Variants in ZNF385D observed in about 807,000 individuals in gnomAD.
ZNF385D encodes zinc finger protein 385D, also known as zinc finger protein 659.
ZNF385D carries 15 observed loss-of-function variants against 35.8 expected under a neutral mutation model. That is an observed-to-expected ratio of 0.42 (90% CI 0.28 to 0.64). ZNF385D has a LOEUF of 0.64. Ranked by LOEUF, ZNF385D falls within the 30% of genes least tolerant of loss-of-function variation. ZNF385D has a pLI of 0.23. For missense variants in ZNF385D, 474 were observed against 494.6 expected, an observed-to-expected ratio of 0.96 and a Z score of 0.39; for synonymous variants, 212 against 186.8, an observed-to-expected ratio of 1.13 and a Z score of -1.10.
intron 3 of ZNF385D, among the ~76,000 whole-genome samples, chr3:21,521,371 C>T (rs1361950236): frequency 6.6e-6 from 1 of 152,188 alleles, no homozygotes; most frequent in Admixed American, 6.5e-5. Context: ...ACTTATTGAA[C>T]AGTTACTGCA....
At chr3:22,170,235 G>C (rs755193086) in intron 2 of ZNF385D, among the ~76,000 whole-genome samples, 31 of 152,144 alleles carry the variant, frequency 2.0e-4, no homozygotes, top group Non-Finnish European at 3.7e-4. Context: ...CGTCCTCCTA[G>C]GTTCTGGAGT....
intron 3 of ZNF385D, among the ~76,000 whole-genome samples, chr3:21,779,994 G>A (rs1167740312): frequency 6.6e-6 from 1 of 151,834 alleles, no homozygotes; most frequent in African/African-American, 2.4e-5. Context: ...CTTGCTCACT[G>A]CAAAGAATAA....
At chr3:21,490,398 G>C (rs61228100) in intron 4 of ZNF385D, among the ~76,000 whole-genome samples, 1 of 152,104 alleles carries the variant, frequency 6.6e-6, no homozygotes, top group African/African-American at 2.4e-5. Flanking sequence ...CATGATGCTA[G>C]GTTTAATTCC....
At chr3:21,856,433 G>C (rs376187911) in intron 3 of ZNF385D, among the ~76,000 whole-genome samples, 1 of 151,926 alleles carries the variant, frequency 6.6e-6, no homozygotes, top group Non-Finnish European at 1.5e-5. Context: ...ACTGCCTCTA[G>C]GGCGTCTCCA....
At chr3:21,917,390 C>A (rs186721031) in intron 3 of ZNF385D, among the ~76,000 whole-genome samples, 1 of 152,082 alleles carries the variant, frequency 6.6e-6, no homozygotes, top group East Asian at 1.9e-4. Flanking sequence ...TGAGATCGGG[C>A]CATTGCACTC....
At chr3:22,221,894 A>G (rs1490600840) in intron 2 of ZNF385D, among the ~76,000 whole-genome samples, 2 of 152,168 alleles carry the variant, frequency 1.3e-5, no homozygotes, top group African/African-American at 4.8e-5. Flanking sequence ...GCAGATGTGA[A>G]TGCCTTCAGT....
Position 22,166,553 on chromosome 3 carries a change from A to C in ZNF385D, c.325+2264T>G, listed in dbSNP as rs1196523445. ...TGTTATCCTCAATGTCCACATCTAT[A>C]AAAGGAATATAACAAGATCACTTTG... On this transcript the variant is annotated intron_variant, in intron 3 of 5. Coordinates refer to the ZNF385D transcript ENST00000494108. Among the ~76,000 whole-genome samples the C allele has an allele frequency of 1.3e-5, 2 of 152,206 alleles. 1 individual carries two copies. Among genetic ancestry groups the C allele is most frequent in the East Asian group, 3.9e-4 (2 of 5,192 alleles).
intron 3 of ZNF385D, among the ~76,000 whole-genome samples, chr3:22,120,667 T>C (rs1358363): frequency 0.2 from 31,067 of 152,098 alleles, 3,487 homozygotes; most frequent in East Asian, 0.41. Flanking sequence ...TGTCTGAACG[T>C]ATTCACCTAA....
intron 3 of ZNF385D, among the ~76,000 whole-genome samples, chr3:21,941,749 G>A (rs985136079): frequency 6.6e-6 from 1 of 151,750 alleles, no homozygotes; most frequent in African/African-American, 2.4e-5. Context: ...CGCCCACCTC[G>A]GCCTCCCAAA....
chr3:22,212,999 G>A (rs1697626186), intron 2 of ZNF385D, among the ~76,000 whole-genome samples: 1 of 151,954 alleles, frequency 6.6e-6, no homozygotes, highest in African/African-American at 2.4e-5. Context: ...TAGAGGTGGT[G>A]AATAAGATAC....
chr3:22,153,552 C>A (rs540963966), intron 3 of ZNF385D, among the ~76,000 whole-genome samples: 1 of 151,246 alleles, frequency 6.6e-6, no homozygotes, highest in Non-Finnish European at 1.5e-5. Flanking sequence ...CAAACTCCCC[C>A]TCCTGGGTCC....
chr3:22,076,163 A>G lies in ZNF385D; in HGVS notation c.325+92654T>C, dbSNP rs1435872072. On this transcript the variant is annotated intron_variant, in intron 3 of 5. Coordinates refer to the ZNF385D transcript ENST00000494108. The stretch of plus-strand genomic sequence containing the variant: ...CATTTTCCACTGAACTTCCAGAAGA[A>G]TCATTTGCAAATCTACATCAGATCT... Among the ~76,000 whole-genome samples the G allele has an allele frequency of 2.6e-5, 4 of 151,940 alleles. No homozygotes were observed. In the East Asian group the frequency reaches 7.7e-4, roughly 29 times the overall value.
chr3:21,840,699 A>G (rs1270790835), intron 3 of ZNF385D, among the ~76,000 whole-genome samples: 1 of 152,072 alleles, frequency 6.6e-6, no homozygotes, highest in East Asian at 1.9e-4. Context: ...GTTTCCATCC[A>G]GTTCTAATAC....
At chr3:21,798,912 T>C (rs996829808) in intron 3 of ZNF385D, among the ~76,000 whole-genome samples, 4 of 152,280 alleles carry the variant, frequency 2.6e-5, no homozygotes, top group African/African-American at 9.6e-5. Context: ...TAAAAAATAT[T>C]TTCATCCTCA....
chr3:21,576,335 G>C (rs1280105538), intron 2 of ZNF385D, among the ~76,000 whole-genome samples: 1 of 152,134 alleles, frequency 6.6e-6, no homozygotes, highest in African/African-American at 2.4e-5. Flanking sequence ...TGTAATTTAA[G>C]AAACATTTCA....
chr3:22,355,483 A>G (rs574089091), intron 2 of ZNF385D, among the ~76,000 whole-genome samples: 3 of 152,132 alleles, frequency 2.0e-5, no homozygotes, highest in Admixed American at 1.3e-4. Context: ...ATAGGAGTAT[A>G]CAAAAATGAA....
intron 2 of ZNF385D, among the ~76,000 whole-genome samples, chr3:22,185,211 G>A (rs924635724): frequency 1.3e-5 from 2 of 152,080 alleles, no homozygotes; most frequent in Admixed American, 6.6e-5. Context: ...TAAATGTATA[G>A]ATCAATAATA....
chr3:22,243,718 G>T (rs540221960), intron 2 of ZNF385D, among the ~76,000 whole-genome samples: 1 of 150,992 alleles, frequency 6.6e-6, no homozygotes, highest in African/African-American at 2.4e-5. Context: ...AGAAAGGAGG[G>T]TAGGCAGCTC....
At chr3:22,165,078 T>A (rs1007732472) in intron 3 of ZNF385D, among the ~76,000 whole-genome samples, 1 of 152,184 alleles carries the variant, frequency 6.6e-6, no homozygotes, top group Non-Finnish European at 1.5e-5. Flanking sequence ...GTTGTGATGT[T>A]GGATACATGT....
Sources: gnomAD v4.1 joint callset for allele counts (sites outside exome capture counted in the v4.1 genomes callset) on GRCh38, gnomAD v4.1.1 for gene constraint, MANE v1.5 for transcripts, NCBI Gene and HGNC (gene_info 2026-07-23, HGNC 2026-07-21) for gene names.